Variants in IQCH observed in about 807,000 individuals in gnomAD.
IQCH encodes the protein IQ motif containing H, also known as IQ domain-containing protein H.
Under a neutral mutation model 117.0 loss-of-function variants are expected in IQCH, and 98 were observed. The ratio of observed to expected loss-of-function variants is 0.84; its 90% confidence interval spans 0.71 to 0.99. The LOEUF (loss-of-function observed/expected upper bound fraction) is 0.99. Ranked by LOEUF, IQCH falls within the 50% of genes least tolerant of loss-of-function variation. The probability of loss-of-function intolerance (pLI) is 0.00; values close to 1 mark genes in which losing one functional copy is unlikely to be tolerated. For synonymous variants in IQCH, 412 were observed against 448.2 expected, an observed-to-expected ratio of 0.92 and a Z score of 1.02; for missense variants, 1,102 against 1,243.8, an observed-to-expected ratio of 0.89 and a Z score of 1.72.
chr15:67,425,750 A>G lies in IQCH; in HGVS notation c.2505+4173A>G, dbSNP rs1007335200. ...GCATCCATTGGCAACTTTTTCCACT[A>G]CCACTACGATAGTGGTAATTTTGTA... On this transcript the variant is annotated intron_variant, in intron 16 of 20. Transcript: ENST00000335894. The surrounding 1 kb of genome is among the most constrained non-coding windows in gnomAD (Gnocchi z 5.5). Among the ~76,000 whole-genome samples, 2 of 152,138 alleles carry G rather than the reference A, an allele frequency of 1.3e-5. No individual in the cohort carries two copies. Among genetic ancestry groups the G allele is most frequent in the African/African-American group, 4.8e-5 (2 of 41,418 alleles).
chr15:67,284,413 T>C (rs1966481637), intron 4 of IQCH, among the ~76,000 whole-genome samples: 1 of 152,200 alleles, frequency 6.6e-6, no homozygotes, highest in African/African-American at 2.4e-5. Context: ...TCACTGTGTA[T>C]ATGTACCACT....
At chr15:67,307,870 A>G (rs994840637) in intron 4 of IQCH, among the ~76,000 whole-genome samples, 6 of 152,144 alleles carry the variant, frequency 3.9e-5, no homozygotes, top group African/African-American at 1.4e-4. Flanking sequence ...TTTGTTGGTA[A>G]ACAAATTAAT....
chr15:67,304,265 C>G, intron 4 of IQCH: 1 of 696,814 alleles, frequency 1.4e-6, no homozygotes, highest in Admixed American at 2.8e-5. Context: ...ACTTTAAACT[C>G]CTTTGAGGAT....
intron 18 of IQCH, among the ~76,000 whole-genome samples, chr15:67,485,878 C>T (rs964529914): frequency 5.3e-5 from 8 of 151,808 alleles, no homozygotes; most frequent in African/African-American, 1.7e-4. Context: ...AGGATGGTCT[C>T]GATCTCTTTA....
intron 15 of IQCH, among the ~76,000 whole-genome samples, chr15:67,420,270 G>A (rs1299647323): frequency 6.6e-6 from 1 of 152,156 alleles, no homozygotes; most frequent in African/African-American, 2.4e-5. Flanking sequence ...AGTAACAGAT[G>A]ACTGCATTTG....
At position 67,431,618 on chromosome 15, in the gene IQCH, C is replaced by T. The variant is rs959389449; in HGVS notation, c.2505+10041C>T. On this transcript the variant is annotated intron_variant, in intron 16 of 20. Transcript: ENST00000335894. The surrounding 1 kb of genome is among the most constrained non-coding windows in gnomAD (Gnocchi z 4.8). ...TTTACCTGTGTAGCAAACCTGCACA[C>T]GTACCCCGAACTTAAAAGTTAAAAA... Among the ~76,000 whole-genome samples, 3 of 152,016 alleles carry T rather than the reference C, an allele frequency of 2.0e-5. No homozygotes were observed. Among genetic ancestry groups the T allele is most frequent in the South Asian group, 2.1e-4 (1 of 4,826 alleles).
chr15:67,436,038 G>A lies in IQCH; in HGVS notation c.2505+14461G>A, dbSNP rs2082129058. On this transcript the variant is annotated intron_variant, in intron 16 of 20. Transcript: ENST00000335894. This position sits in a 1 kb window ranked among gnomAD's most constrained non-coding sequence, Gnocchi z 5.1. The stretch of plus-strand genomic sequence containing the variant: ...CGGTGGAAAAGTACATTTGCTTTAG[G>A]CTTTACCTATTTCTTAAGACAATAC... Among the ~76,000 whole-genome samples, 1 of 151,908 alleles carries A rather than the reference G, an allele frequency of 6.6e-6. No individual in the cohort carries two copies. The highest frequency in any genetic ancestry group is 1.5e-5 in the Non-Finnish European group (1 of 67,986).
chr15:67,278,736 A>G (rs1242473929), intron 3 of IQCH, among the ~76,000 whole-genome samples: 1 of 152,218 alleles, frequency 6.6e-6, no homozygotes, highest in African/African-American at 2.4e-5. Flanking sequence ...GAATCAAGTT[A>G]TTGAGTTGTA....
At chr15:67,461,525 C>T (rs548831131) in intron 16 of IQCH, among the ~76,000 whole-genome samples, 5 of 152,312 alleles carry the variant, frequency 3.3e-5, no homozygotes, top group Non-Finnish European at 5.9e-5. Context: ...ATGCCTCAGG[C>T]GGTGTCTTCA....
chr15:67,352,367 A>T (rs1017789490), intron 6 of IQCH, among the ~76,000 whole-genome samples: 2 of 152,046 alleles, frequency 1.3e-5, no homozygotes, highest in African/African-American at 2.4e-5. Flanking sequence ...AGAATTTGTT[A>T]TATTAGCCAA....
Position 67,482,020 on chromosome 15 carries a change from T to G in IQCH, c.2799+6202T>G, listed in dbSNP as rs568003696. Among the ~76,000 whole-genome samples, 9 of 152,244 alleles carry G rather than the reference T, an allele frequency of 5.9e-5. No homozygotes were observed. In the East Asian group the frequency reaches 1.5e-3, roughly 26 times the overall value. On this transcript the variant is annotated intron_variant, in intron 18 of 20. Coordinates refer to ENST00000335894, the MANE Select transcript of IQCH (RefSeq NM_001031715.3). ...GGACCGCTCACTTGAGGCCAGGAGT[T>G]CAAGACCAGCCTGGGCAACATGGCA...
rs1163740755 is a variant in IQCH, at chr15:67,381,290, T to G, written c.1373-3646T>G. On this transcript the variant is annotated intron_variant, in intron 10 of 20. Coordinates refer to ENST00000335894, the MANE Select transcript of IQCH (RefSeq NM_001031715.3). This position sits in a 1 kb window ranked among gnomAD's most constrained non-coding sequence, Gnocchi z 5.1. ...ATGGAGAAATGATTGCCAGTAACCC[T>G]TGATGAGCAACCTTGGTTCAGTGGG... Among the ~76,000 whole-genome samples, 2 of 152,208 alleles carry G rather than the reference T, an allele frequency of 1.3e-5. No homozygotes were observed. Among genetic ancestry groups the G allele is most frequent in the Non-Finnish European group, 2.9e-5 (2 of 68,026 alleles).
intron 4 of IQCH, among the ~76,000 whole-genome samples, chr15:67,334,716 G>A (rs895344265): frequency 1.3e-5 from 2 of 152,176 alleles, no homozygotes; most frequent in African/African-American, 2.4e-5. Flanking sequence ...CTCCCTGAGC[G>A]ATTCTAATAT....
intron 16 of IQCH, among the ~76,000 whole-genome samples, chr15:67,439,049 C>T (rs2082202821): frequency 6.6e-6 from 1 of 152,156 alleles, no homozygotes; most frequent in South Asian, 2.1e-4. Flanking sequence ...TACCTTGGAA[C>T]AAATGGACTT....
intron 2 of IQCH, 35 bp from the exon 3 acceptor site, chr15:67,263,087 C>T (rs201459324): frequency 7.0e-6 from 8 of 1,135,506 alleles, no homozygotes; most frequent in Non-Finnish European, 9.4e-6. Context: ...CTTAAGTCCA[C>T]AATAATTGCC....
At chr15:67,291,604 A>T (rs901893990) in intron 4 of IQCH, among the ~76,000 whole-genome samples, 2 of 152,208 alleles carry the variant, frequency 1.3e-5, no homozygotes, top group African/African-American at 4.8e-5. Context: ...CACCCAAACG[A>T]AAGTTTTGAG....
At chr15:67,351,247 C>T (rs1032398497) in intron 6 of IQCH, among the ~76,000 whole-genome samples, 3 of 152,008 alleles carry the variant, frequency 2.0e-5, no homozygotes, top group East Asian at 1.9e-4. Context: ...TGCTTCCCCC[C>T]ACCCCCCAAC....
rs1230229530 is a variant in IQCH, at chr15:67,338,230, TC to T, written c.508+1136del. 2.3e-3 allele frequency among the ~76,000 whole-genome samples: 325 copies of T among 143,262 alleles called. 1 individual carries two copies. Among genetic ancestry groups the T allele is most frequent in the African/African-American group, 7.9e-3 (311 of 39,342 alleles). The allele number at this position is 143,262 out of a possible 152,430, so 94.0% of individuals were successfully genotyped here. A position where few individuals can be genotyped will look rare whatever the true frequency, so the allele number is the denominator to read the frequency against. ...GTCTATCTATCTATCTATCTATCTA[TC>T]TATCTATCTATCTATCTGTCTGCTC... On this transcript the variant is annotated intron_variant, in intron 5 of 20. Coordinates refer to ENST00000335894, the MANE Select transcript of IQCH (RefSeq NM_001031715.3).
intron 5 of IQCH, among the ~76,000 whole-genome samples, chr15:67,341,006 G>GTTTGAGACCAGCCTGGGCAAA (rs2140673931): frequency 6.6e-6 from 1 of 152,268 alleles, no homozygotes; most frequent in Non-Finnish European, 1.5e-5. Context: ...GAGTCCGGGA[G>GTTTGAGACCAGCCTGGGCAAA]TTTGAGACCA....
Sources: allele counts gnomAD v4.1 joint callset (sites outside exome capture counted in the v4.1 genomes callset), GRCh38; gene constraint gnomAD v4.1.1; non-coding constraint Gnocchi (gnomAD v3.1); transcripts MANE v1.5; gene names NCBI Gene and HGNC (gene_info 2026-07-23, HGNC 2026-07-21).